Variants in TTLL9 observed in about 807,000 individuals in gnomAD.
The protein encoded by TTLL9 is probable tubulin polyglutamylase TTLL9.
In TTLL9, 47 loss-of-function variants were observed where a neutral mutation model predicts 65.6. The ratio of observed to expected loss-of-function variants is 0.72; its 90% CI spans 0.57 to 0.91. The LOEUF (loss-of-function observed/expected upper bound fraction) is 0.91. Among genes scored for constraint, TTLL9 ranks in the 40% least tolerant of loss-of-function variants. TTLL9 has a pLI of 0.00. For missense variants in TTLL9, 537 were observed against 568.8 expected, an observed-to-expected ratio of 0.94 and a Z score of 0.57; for synonymous variants, 179 against 204.8, an observed-to-expected ratio of 0.87 and a Z score of 1.07.
rs370540188 is a variant in TTLL9 at position 31,934,779 on chromosome 20, G to C, written c.895G>C (p.Asp299His). 4 of 1,613,674 alleles carry C rather than the reference G, an allele frequency of 2.5e-6. No homozygotes were observed. Among genetic ancestry groups the C allele is most frequent in the Non-Finnish European group, 3.4e-6 (4 of 1,180,018 alleles). ...AGTGGAGACACTCTTCAGGGACATCGACAACATCTTTGTCAAAAGCCTGCA... is the reference window on the plus strand; with the variant it reads ...AGTGGAGACACTCTTCAGGGACATCCACAACATCTTTGTCAAAAGCCTGCA... Reference protein sequence around the residue: ...EAVETLFRDIDNIFVKSLQSV... With the variant: ...EAVETLFRDIHNIFVKSLQSV... Residue 299 changes from aspartate to histidine, a missense_variant, in exon 12 of 15, where the codon GAC becomes CAC. Around this residue, in one of 3 missense-constraint regions of TTLL9, gnomAD observed 205 missense variants for 225.9 expected, o/e 0.91. Transcript: ENST00000535842.
At chr20:31,928,849 G>C (rs1411982870) in intron 10 of TTLL9, among the ~76,000 whole-genome samples, 1 of 152,216 alleles carries the variant, frequency 6.6e-6, no homozygotes, top group Non-Finnish European at 1.5e-5. Context: ...GAAAAAGTAT[G>C]AAAGGATGTT....
At chr20:31,891,405 T>G (rs2063305489) in intron 3 of TTLL9, among the ~76,000 whole-genome samples, 1 of 152,264 alleles carries the variant, frequency 6.6e-6, no homozygotes, top group African/African-American at 2.4e-5. Flanking sequence ...ATTTTGAAAT[T>G]GTATCTCTTT....
intron 10 of TTLL9, among the ~76,000 whole-genome samples, chr20:31,931,997 T>C (rs1243927389): frequency 1.3e-5 from 2 of 152,246 alleles, no homozygotes; most frequent in African/African-American, 4.8e-5. Flanking sequence ...TTTTTCTCTA[T>C]GAATTTCATA....
At chr20:31,889,130 C>A (rs2123423759) in intron 3 of TTLL9, among the ~76,000 whole-genome samples, 1 of 152,148 alleles carries the variant, frequency 6.6e-6, no homozygotes, top group Admixed American at 6.5e-5. Context: ...GATATGTGTT[C>A]CACTACCAGT....
At chr20:31,934,941 C>T in intron 12 of TTLL9, 53 bp downstream of exon 12, 2 of 1,530,378 alleles carry the variant, frequency 1.3e-6, no homozygotes, top group Non-Finnish European at 1.8e-6. Flanking sequence ...ACTCGGCACC[C>T]AGACTGCCCA....
Position 31,887,226 on chromosome 20 carries a change from A to C in TTLL9, c.100A>C (p.Lys34Gln). 1.2e-6 allele frequency: 2 copies of C among 1,614,194 alleles called. No individual in the cohort carries two copies. The highest frequency in any genetic ancestry group is 1.7e-6 in the Non-Finnish European group (2 of 1,180,032). ...AAATTACAAGGGCCATGGATTGTCA[A>C]AGGGAAAAGAGCGGTGAGTGGTCCC... ...NQNYKGHGLS[K>Q]GKEREQRASI... The change falls in exon 3 of 15, where the codon AAG (lysine) becomes CAG (glutamine). Residue 34 changes from lysine (K) to glutamine (Q), a missense_variant. Lys to Gln is a moderately conservative substitution (Grantham distance 53). Transcript: ENST00000535842.
intron 6 of TTLL9, among the ~76,000 whole-genome samples, chr20:31,914,727 C>T (rs996097237): frequency 6.6e-6 from 1 of 152,190 alleles, no homozygotes; most frequent in African/African-American, 2.4e-5. Flanking sequence ...TTTGAAAGTT[C>T]ATCAAGGCCC....
Position 31,934,711 on chromosome 20 carries a change from A to G in TTLL9, c.827A>G (p.Gln276Arg). The G allele has an allele frequency of 6.2e-7, 1 of 1,611,740 alleles. No individual in the cohort carries two copies. Among genetic ancestry groups the G allele is most frequent in the Non-Finnish European group, 8.5e-7 (1 of 1,179,668 alleles). Residue 276 changes from glutamine to arginine, a missense_variant, in exon 12 of 15, where the codon CAG becomes CGG. Transcript: ENST00000535842. ...HPKKGCKWTL[Q>R]RFRQYLASKH... ...GCCCAGGGCTGCAAGTGGACGCTGC[A>G]GCGCTTCCGGCAGTACCTGGCGTCC...
chr20:31,938,210 T>A (rs1480013200), intron 13 of TTLL9: 1 of 456,970 alleles, frequency 2.2e-6, no homozygotes. Flanking sequence ...TCCTTGCTGG[T>A]AACTGGGACA....
At chr20:31,893,352 G>T (rs1322514106) in intron 3 of TTLL9, among the ~76,000 whole-genome samples, 2 of 146,752 alleles carry the variant, frequency 1.4e-5, no homozygotes, top group East Asian at 4.0e-4. Flanking sequence ...GTGCAATGGT[G>T]CAATCTCGGC....
At chr20:31,910,972 G>A (rs567072514) in intron 6 of TTLL9, among the ~76,000 whole-genome samples, 43 of 152,184 alleles carry the variant, frequency 2.8e-4, no homozygotes, top group African/African-American at 9.9e-4. Flanking sequence ...TCAGGAGTTC[G>A]AGACCAGCCT....
intron 6 of TTLL9, 120 bp from the exon 7 acceptor site, chr20:31,919,744 G>C: frequency 1.4e-6 from 1 of 729,918 alleles, no homozygotes; most frequent in Non-Finnish European, 2.1e-6. Context: ...TTCCTCTGGG[G>C]AGAGTTGGGG....
chr20:31,938,018 TTCTC>T (rs1032788429), intron 13 of TTLL9: 33 of 381,498 alleles, frequency 8.7e-5, no homozygotes, highest in African/African-American at 6.5e-4. Context: ...GGCTGGTCTA[TTCTC>T]TCTCTCTCTT....
chr20:31,906,209 C>T (rs573024205), intron 4 of TTLL9, among the ~76,000 whole-genome samples: 3 of 152,188 alleles, frequency 2.0e-5, no homozygotes, highest in Admixed American at 6.5e-5. Context: ...GGGACTCTTA[C>T]AGGACACAGT....
At chr20:31,871,015 C>G in intron 1 of TTLL9, 66 bp downstream of exon 1, 1 of 1,061,044 alleles carries the variant, frequency 9.4e-7, no homozygotes, top group Non-Finnish European at 1.5e-6. Flanking sequence ...CAGCCTTCCT[C>G]CTTTCCCATC....
At position 31,939,265 on chromosome 20, in the gene TTLL9, C is replaced by A. The variant is rs754986295; in HGVS notation, c.1242C>A (p.Leu414=). Residue 414 remains leucine, a splice_region_variant and synonymous_variant, in exon 14 of 15, where the codon CTC becomes CTA. Transcript: ENST00000535842. ...GAAACTTTGTGACCAACACACATCT[C>A]GGTATGTAGGGCCAGGTGGGGAGTG... is the stretch of plus-strand genomic sequence containing the variant. ...GMGNFVTNTH[L]GCVNDRKKQL... 1 of 1,613,212 alleles carries A rather than the reference C, an allele frequency of 6.2e-7. No homozygotes were observed. The highest frequency in any genetic ancestry group is 8.5e-7 in the Non-Finnish European group (1 of 1,179,694).
chr20:31,919,549 C>CA (rs1431703822), intron 6 of TTLL9, among the ~76,000 whole-genome samples: 7 of 151,924 alleles, frequency 4.6e-5, no homozygotes, highest in Admixed American at 3.9e-4. Context: ...AATTGATTTC[C>CA]AAAAAAAGAT....
At chr20:31,928,777 A>T (rs1281328874) in intron 10 of TTLL9, among the ~76,000 whole-genome samples, 1 of 152,218 alleles carries the variant, frequency 6.6e-6, no homozygotes, top group South Asian at 2.1e-4. Flanking sequence ...AAAATGTAAG[A>T]TGGAGAACCT....
intron 4 of TTLL9, among the ~76,000 whole-genome samples, chr20:31,903,184 G>A (rs2123480864): frequency 6.6e-6 from 1 of 152,114 alleles, no homozygotes; most frequent in Non-Finnish European, 1.5e-5. Context: ...ATTTATTATG[G>A]CCATCCTAGT....
Sources: gnomAD v4.1 joint callset for allele counts (sites outside exome capture counted in the v4.1 genomes callset) on GRCh38, gnomAD v4.1.1 for gene constraint, gnomAD v4.1.1 regional missense constraint, MANE v1.5 for transcripts, NCBI Gene and HGNC (gene_info 2026-07-23, HGNC 2026-07-21) for gene names.